Variants in SYT6 observed in about 807,000 individuals in gnomAD.
SYT6 encodes synaptotagmin-6.
In SYT6, 24 loss-of-function variants were observed where a neutral mutation model predicts 38.4. The observed-to-expected ratio is 0.62, with a 90% confidence interval of 0.45 to 0.88. SYT6 has a LOEUF of 0.88. SYT6 is among the 40% of genes least tolerant of loss of function. The probability of loss-of-function intolerance (pLI) is 0.00; values close to 1 mark genes in which losing one functional copy is unlikely to be tolerated. For synonymous variants in SYT6, 265 were observed against 241.9 expected (o/e 1.10, Z -0.89); for missense variants, 611 against 621.0 (o/e 0.98, Z 0.17).
At chr1:114,119,213 G>A (rs1434546938) in intron 3 of SYT6, among the ~76,000 whole-genome samples, 1 of 152,176 alleles carries the variant, frequency 6.6e-6, no homozygotes, top group Non-Finnish European at 1.5e-5. Flanking sequence ...GGCTTGGAAG[G>A]GCTGTGTGCC....
intron 3 of SYT6, among the ~76,000 whole-genome samples, chr1:114,121,084 G>T (rs1394016044): frequency 1.3e-5 from 2 of 152,238 alleles, no homozygotes; most frequent in Admixed American, 1.3e-4. Flanking sequence ...CCAGGGGGAG[G>T]TTGGCAGTCC....
intron 3 of SYT6, among the ~76,000 whole-genome samples, chr1:114,104,292 G>A (rs1357752152): frequency 6.6e-6 from 1 of 152,210 alleles, no homozygotes; most frequent in African/African-American, 2.4e-5. Context: ...CTGATGGCAA[G>A]TGTTTGATGC....
intron 3 of SYT6, among the ~76,000 whole-genome samples, chr1:114,113,406 A>C (rs998973885): frequency 6.6e-6 from 1 of 152,006 alleles, no homozygotes; most frequent in Non-Finnish European, 1.5e-5. Flanking sequence ...ATGGCTCCTG[A>C]GTTTATGGCC....
At position 114,089,786 on chromosome 1, in the gene SYT6, A is replaced by C. The variant is rs1442847262; in HGVS notation, c.*2348T>G. 6.6e-6 allele frequency: 1 copy of C among 152,530 alleles called. No homozygotes were observed. Among genetic ancestry groups the C allele is most frequent in the Non-Finnish European group, 1.5e-5 (1 of 68,180 alleles). 9.4% of individuals were successfully genotyped at this position (152,530 alleles called of 1,614,324 possible). A position where few individuals can be genotyped will look rare whatever the true frequency, so the allele number is the denominator to read the frequency against. On this transcript the variant is annotated 3_prime_UTR_variant, in exon 8 of 8. Coordinates refer to ENST00000610222, the MANE Select transcript of SYT6 (RefSeq NM_001253772.2). ...CTCCCAAGCCTGTAGGAATTGACCCAGACTGCTAGAGCAGCAGCGGTTGCA... is the reference window on the plus strand; with the variant it reads ...CTCCCAAGCCTGTAGGAATTGACCCCGACTGCTAGAGCAGCAGCGGTTGCA...
chr1:114,123,014 T>C (rs1020514970), intron 3 of SYT6, among the ~76,000 whole-genome samples: 9 of 152,226 alleles, frequency 5.9e-5, no homozygotes, highest in Non-Finnish European at 1.3e-4. Flanking sequence ...CGAGGCACTC[T>C]GAGCTTGGCT....
chr1:114,137,354 A>T, intron 3 of SYT6, 141 bp downstream of exon 3: 1 of 946,852 alleles, frequency 1.1e-6, no homozygotes, highest in Non-Finnish European at 1.5e-6. Context: ...AGACTGGGCC[A>T]CTGGGCAGTT....
chr1:114,135,217 C>G (rs911885346), intron 3 of SYT6, among the ~76,000 whole-genome samples: 6 of 152,136 alleles, frequency 3.9e-5, no homozygotes, highest in Admixed American at 1.3e-4. Context: ...CTCCCCCTTC[C>G]TCTTGTCCTG....
In SYT6 at chr1:114,091,089, A is replaced by G. The variant is rs925392623; in HGVS notation, c.*1045T>C. The G allele has an allele frequency of 6.5e-6, 1 of 152,834 alleles. No homozygotes were observed. Among genetic ancestry groups the G allele is most frequent in the African/African-American group, 2.4e-5 (1 of 41,466 alleles). The allele number at this position is 152,834 out of a possible 1,614,324, so 9.5% of individuals were successfully genotyped here. Reference sequence around the variant, plus strand: ...GGATTTCAAAACTCCCCATTTGGAAAAGAACATTTAATCTAGGTTTTTCTT... The same window carrying G: ...GGATTTCAAAACTCCCCATTTGGAAGAGAACATTTAATCTAGGTTTTTCTT... On this transcript the variant is annotated 3_prime_UTR_variant, in exon 8 of 8. Transcript: ENST00000610222.
intron 1 of SYT6, among the ~76,000 whole-genome samples, chr1:114,145,850 C>T (rs1285546294): frequency 6.6e-6 from 1 of 152,040 alleles, no homozygotes; most frequent in East Asian, 1.9e-4. Context: ...AATGTTCAGC[C>T]TGACAAATAA....
At chr1:114,115,876 CTCT>C (rs1477325445) in intron 3 of SYT6, among the ~76,000 whole-genome samples, 1 of 152,150 alleles carries the variant, frequency 6.6e-6, no homozygotes, top group East Asian at 1.9e-4. Flanking sequence ...GAAGGTGTTG[CTCT>C]TCTCCTCCAT....
chr1:114,123,535 C>T (rs533352687), intron 3 of SYT6, among the ~76,000 whole-genome samples: 17 of 152,306 alleles, frequency 1.1e-4, no homozygotes, highest in Admixed American at 5.9e-4. Context: ...CAGAGAGGAG[C>T]CCTGGAGAAG....
At chr1:114,106,561 G>T (rs755352602) in intron 3 of SYT6, among the ~76,000 whole-genome samples, 25 of 152,030 alleles carry the variant, frequency 1.6e-4, no homozygotes, top group Non-Finnish European at 3.4e-4. Flanking sequence ...TTCAGCAACT[G>T]GGCCCTGTCC....
rs533217908 is a variant in SYT6 at position 114,103,641 on chromosome 1, C to T, written c.1152G>A (p.Lys384=). ...TGTCCATCGCCTTGAGGTTCCGACA[C>T]TTAATCACTGTGAGGGTGAGCCTGC... The part of the protein sequence containing the change: ...TAGRLTLTVI[K]CRNLKAMDIT... Residue 384 remains lysine, a synonymous_variant, in exon 4 of 8, where the codon AAG becomes AAA. Coordinates refer to ENST00000610222, the MANE Select transcript of SYT6 (RefSeq NM_001253772.2). 3.1e-6 allele frequency: 5 copies of T among 1,614,208 alleles called. No individual in the cohort carries two copies. In the Admixed American group the frequency reaches 8.3e-5, roughly 27 times the overall value.
chr1:114,109,470 T>C (rs919483058), intron 3 of SYT6, among the ~76,000 whole-genome samples: 5 of 152,174 alleles, frequency 3.3e-5, no homozygotes, highest in Admixed American at 3.3e-4. Flanking sequence ...AAGAGAGTAG[T>C]ATGGCTTACT....
At chr1:114,140,408 T>C (rs1380476340) in intron 1 of SYT6, among the ~76,000 whole-genome samples, 3 of 152,204 alleles carry the variant, frequency 2.0e-5, no homozygotes, top group Non-Finnish European at 4.4e-5. Context: ...AGAGTCATTT[T>C]TGTCTACAGC....
chr1:114,129,625 CTTTCTT>C (rs1185169116), intron 3 of SYT6, among the ~76,000 whole-genome samples: 98 of 50,404 alleles, frequency 1.9e-3, no homozygotes, highest in African/African-American at 7.2e-3. Flanking sequence ...TCCTTTCTTT[CTTTCTT>C]TCTTTCTTTC....
intron 3 of SYT6, among the ~76,000 whole-genome samples, chr1:114,121,971 A>G (rs917647420): frequency 6.6e-5 from 10 of 152,324 alleles, no homozygotes; most frequent in African/African-American, 2.4e-4. Flanking sequence ...GCGAGAGGTG[A>G]AGTGGTTTGA....
chr1:114,094,469 T>G (rs527305590), intron 6 of SYT6, among the ~76,000 whole-genome samples: 97 of 152,272 alleles, frequency 6.4e-4, no homozygotes, highest in African/African-American at 2.3e-3. Flanking sequence ...GTAACAATGA[T>G]GACACATGGC....
At chr1:114,096,708 T>G (rs1675661799) in intron 6 of SYT6, among the ~76,000 whole-genome samples, 1 of 152,240 alleles carries the variant, frequency 6.6e-6, no homozygotes, top group African/African-American at 2.4e-5. Context: ...GACTCTGTTT[T>G]GAAGGTGACT....
Sources: gnomAD v4.1 joint callset for allele counts (sites outside exome capture counted in the v4.1 genomes callset) on GRCh38, gnomAD v4.1.1 for gene constraint, MANE v1.5 for transcripts, NCBI Gene and HGNC (gene_info 2026-07-23, HGNC 2026-07-21) for gene names.